Variants in DNM3 observed in about 807,000 individuals in gnomAD.
DNM3 encodes the protein dynamin 3, also known as dynamin-3.
Under a neutral mutation model 101.6 loss-of-function variants are expected in DNM3, and 47 were observed. The observed-to-expected ratio is 0.46, with a 90% CI of 0.37 to 0.59. DNM3 has a LOEUF of 0.59. DNM3 is among the 20% of genes least tolerant of loss of function. The pLI is 0.00. For synonymous variants in DNM3, 385 were observed against 387.9 expected (o/e 0.99, Z 0.09); for missense variants, 849 against 1,085.7 (o/e 0.78, Z 3.06).
At chr1:171,926,032 G>A (rs948638850) in intron 2 of DNM3, among the ~76,000 whole-genome samples, 5 of 152,098 alleles carry the variant, frequency 3.3e-5, no homozygotes, top group Non-Finnish European at 7.4e-5. Flanking sequence ...CTTTACTTCT[G>A]AGTTCTCTGT....
intron 15 of DNM3, chr1:172,289,493 C>T (rs1038017488): frequency 1.1e-6 from 1 of 870,824 alleles, no homozygotes; most frequent in Non-Finnish European, 1.4e-6. Context: ...TTTTATATTA[C>T]AGAATTCTGT....
intron 1 of DNM3, among the ~76,000 whole-genome samples, chr1:171,892,320 T>A (rs2037361162): frequency 6.6e-6 from 1 of 152,192 alleles, no homozygotes; most frequent in Admixed American, 6.5e-5. Context: ...GAAATGGTGT[T>A]AGAAACCAAA....
chr1:172,412,317 T>C lies in DNM3; in HGVS notation c.*4476T>C. 5 of 985,560 alleles carry C rather than the reference T, an allele frequency of 5.1e-6. No individual in the cohort carries two copies. The highest frequency in any genetic ancestry group is 6.0e-6 in the Non-Finnish European group (5 of 829,900). 61.1% of individuals were successfully genotyped at this position (985,560 alleles called of 1,614,324 possible). A position where few individuals can be genotyped will look rare whatever the true frequency, so the allele number is the denominator to read the frequency against. On this transcript the variant is annotated 3_prime_UTR_variant, in exon 21 of 21. Transcript: ENST00000627582. ...CTGTCTAACCACTTGCCTTGTCTGC[T>C]ACCAGTTTGTTAAAAATTATTCCCC...
chr1:172,228,192 T>A (rs979028948), intron 14 of DNM3, among the ~76,000 whole-genome samples: 3 of 152,060 alleles, frequency 2.0e-5, no homozygotes, highest in Admixed American at 6.6e-5. Flanking sequence ...TCAGGTTTTA[T>A]GCCAAATGTC....
chr1:172,198,765 T>G (rs1438336982), intron 14 of DNM3, among the ~76,000 whole-genome samples: 3 of 151,464 alleles, frequency 2.0e-5, no homozygotes, highest in Non-Finnish European at 4.4e-5. Flanking sequence ...AACATTCCCT[T>G]TAGCATTTCT....
chr1:172,117,710 T>C (rs1457009946), intron 13 of DNM3, among the ~76,000 whole-genome samples: 7 of 152,192 alleles, frequency 4.6e-5, no homozygotes, highest in African/African-American at 1.4e-4. Flanking sequence ...TTAATCTTTC[T>C]CTGAAAGCTG....
At chr1:172,333,073 TGAA>T (rs1161864860) in intron 17 of DNM3, among the ~76,000 whole-genome samples, 1 of 152,090 alleles carries the variant, frequency 6.6e-6, no homozygotes, top group Non-Finnish European at 1.5e-5. Context: ...CAAAATAGAC[TGAA>T]GAAGAACAGG....
chr1:172,081,551 C>T (rs1316633264), intron 11 of DNM3, among the ~76,000 whole-genome samples: 1 of 152,102 alleles, frequency 6.6e-6, no homozygotes, highest in Non-Finnish European at 1.5e-5. Flanking sequence ...TCAAATAATT[C>T]TAGATTCTGT....
At chr1:172,232,551 A>G (rs2061379829) in intron 14 of DNM3, among the ~76,000 whole-genome samples, 1 of 152,208 alleles carries the variant, frequency 6.6e-6, no homozygotes, top group Admixed American at 6.5e-5. Flanking sequence ...ATAGACATCT[A>G]CAGGACTCTC....
At chr1:172,221,118 CA>C (rs2060891553) in intron 14 of DNM3, among the ~76,000 whole-genome samples, 1 of 152,038 alleles carries the variant, frequency 6.6e-6, no homozygotes, top group Admixed American at 6.6e-5. Flanking sequence ...TATGGGAACT[CA>C]GACGCAGTAT....
chr1:172,393,733 A>T (rs1303177130), intron 20 of DNM3: 2 of 152,584 alleles, frequency 1.3e-5, no homozygotes, highest in East Asian at 3.8e-4. Context: ...AAATACATAA[A>T]TTTATCATTG....
intron 15 of DNM3, among the ~76,000 whole-genome samples, chr1:172,261,223 C>T (rs2062631163): frequency 6.6e-6 from 1 of 152,170 alleles, no homozygotes; most frequent in East Asian, 1.9e-4. Context: ...GATATCTACA[C>T]ATCTGGTATA....
rs2071261509 is a variant in DNM3, at chr1:172,412,415, C to CT, written c.*4576dup. The CT allele has an allele frequency of 1.0e-6, 1 of 985,676 alleles. No homozygotes were observed. Among genetic ancestry groups the CT allele is most frequent in the East Asian group, 1.1e-4 (1 of 8,820 alleles). The allele number at this position is 985,676 out of a possible 1,614,324, so 61.1% of individuals were successfully genotyped here. A position where few individuals can be genotyped will look rare whatever the true frequency, so the allele number is the denominator to read the frequency against. ...ATGTACATGTACAGCCTTTGTTTTG[C>CT]TTGCTTGTCTATTTTTACTTTCCCT... On this transcript the variant is annotated 3_prime_UTR_variant, in exon 21 of 21. Transcript: ENST00000627582.
At chr1:172,051,378 A>G (rs529888100) in intron 10 of DNM3, among the ~76,000 whole-genome samples, 1 of 152,064 alleles carries the variant, frequency 6.6e-6, no homozygotes, top group South Asian at 2.1e-4. Context: ...TTTCCTCTCC[A>G]TACCCAATTC....
chr1:171,962,992 A>G lies in DNM3; in HGVS notation c.236-24664A>G, dbSNP rs866334322. Among the ~76,000 whole-genome samples, 10 of 152,252 alleles carry G rather than the reference A, an allele frequency of 6.6e-5. No homozygotes were observed. In the South Asian group the frequency reaches 1.5e-3, roughly 22 times the overall value. ...AGACAGTTCAGCGGTTTCTTAGGAA[A>G]CTAAACATATCCTTAACATATTATC... On this transcript the variant is annotated intron_variant, in intron 2 of 20. Coordinates refer to ENST00000627582, the MANE Select transcript of DNM3 (RefSeq NM_015569.5).
chr1:172,392,022 G>A (rs2069566806), intron 20 of DNM3, among the ~76,000 whole-genome samples: 1 of 152,172 alleles, frequency 6.6e-6, no homozygotes. Flanking sequence ...CAATTGTACA[G>A]AAACCATGAG....
At position 172,204,732 on chromosome 1, in the gene DNM3, G is replaced by C. The variant is rs145346569; in HGVS notation, c.1660-48841G>C. Among the ~76,000 whole-genome samples the C allele has an allele frequency of 3.7e-3, 568 of 151,964 alleles. 9 individuals are homozygous for C. The highest frequency in any genetic ancestry group is 0.013 in the African/African-American group (542 of 41,454). On this transcript the variant is annotated intron_variant, in intron 14 of 20. Transcript: ENST00000627582. ...TGATGGTCTTTTCTTTCTCAAATAC[G>C]GTCCCTCCTCTCAATCTTCTGGCTC...
At chr1:171,963,605 T>C (rs1018255925) in intron 2 of DNM3, among the ~76,000 whole-genome samples, 1 of 152,114 alleles carries the variant, frequency 6.6e-6, no homozygotes, top group South Asian at 2.1e-4. Flanking sequence ...GGGTAATGCA[T>C]ATGCAGGGGC....
chr1:172,054,355 T>G (rs2050419983), intron 10 of DNM3, among the ~76,000 whole-genome samples: 1 of 152,254 alleles, frequency 6.6e-6, no homozygotes, highest in Non-Finnish European at 1.5e-5. Context: ...TAGAGCTTTA[T>G]GAGCTATTTG....
Sources: allele counts gnomAD v4.1 joint callset (sites outside exome capture counted in the v4.1 genomes callset), GRCh38; gene constraint gnomAD v4.1.1; transcripts MANE v1.5; gene names NCBI Gene and HGNC (gene_info 2026-07-23, HGNC 2026-07-21).